CDK14: variants seen among roughly 807,000 people sequenced by gnomAD.
CDK14 encodes cyclin-dependent kinase 14.
A neutral mutation model predicts 60.7 loss-of-function variants in CDK14; 34 were observed. The ratio of observed to expected loss-of-function variants is 0.56; its 90% CI spans 0.43 to 0.75. The LOEUF (loss-of-function observed/expected upper bound fraction) is 0.75, where lower values mean the gene tolerates loss of function less well. Ranked by LOEUF, CDK14 falls within the 30% of genes least tolerant of loss-of-function variation. The pLI, the probability that CDK14 is intolerant of heterozygous loss-of-function variation, is 0.00. For missense variants in CDK14, 482 were observed against 564.1 expected (o/e 0.85, Z 1.47); for synonymous variants, 197 against 203.7 (o/e 0.97, Z 0.28).
chr7:91,098,269 A>G (rs1316327864), intron 12 of CDK14, among the ~76,000 whole-genome samples: 1 of 152,186 alleles, frequency 6.6e-6, no homozygotes, highest in African/African-American at 2.4e-5. Flanking sequence ...ATGACCTCCG[A>G]CCTAACTGAA....
chr7:90,932,652 T>A (rs983492094), intron 8 of CDK14, among the ~76,000 whole-genome samples: 4 of 152,200 alleles, frequency 2.6e-5, no homozygotes, highest in Admixed American at 2.6e-4. Context: ...GTGTAAAAAA[T>A]TACCGCAAAA....
intron 11 of CDK14, among the ~76,000 whole-genome samples, chr7:91,050,557 C>T (rs955498767): frequency 1.3e-5 from 2 of 152,200 alleles, no homozygotes; most frequent in African/African-American, 4.8e-5. Context: ...TTAAGCTCAG[C>T]ATATTCCCAT....
intron 3 of CDK14, among the ~76,000 whole-genome samples, chr7:90,744,659 C>G (rs867487001): frequency 2.2e-3 from 318 of 143,808 alleles, no homozygotes; most frequent in African/African-American, 8.2e-3. Flanking sequence ...CCACCTCCCT[C>G]CCGGACGGGG....
intron 10 of CDK14, among the ~76,000 whole-genome samples, chr7:91,042,696 T>C (rs1797122604): frequency 6.6e-6 from 1 of 152,222 alleles, no homozygotes; most frequent in Admixed American, 6.5e-5. Context: ...TTTACAGAGC[T>C]GGGGACCACA....
intron 7 of CDK14, among the ~76,000 whole-genome samples, chr7:90,910,671 C>T (rs1264552900): frequency 6.6e-6 from 1 of 152,108 alleles, no homozygotes; most frequent in Non-Finnish European, 1.5e-5. Context: ...GATAGCAGCC[C>T]TCTTAATTGT....
At chr7:90,806,977 A>T (rs912052437) in intron 5 of CDK14, among the ~76,000 whole-genome samples, 1 of 152,210 alleles carries the variant, frequency 6.6e-6, no homozygotes, top group African/African-American at 2.4e-5. Flanking sequence ...AGGAAGCTCA[A>T]ACTGGGTGGA....
At chr7:91,056,861 A>G (rs901266906) in intron 11 of CDK14, among the ~76,000 whole-genome samples, 18 of 152,230 alleles carry the variant, frequency 1.2e-4, no homozygotes, top group Admixed American at 2.6e-4. Flanking sequence ...TAGTGCCACA[A>G]TAAACATACG....
At chr7:91,080,821 A>G (rs538975232) in intron 12 of CDK14, among the ~76,000 whole-genome samples, 43 of 152,334 alleles carry the variant, frequency 2.8e-4, no homozygotes, top group African/African-American at 1.0e-3. Flanking sequence ...AAACTATCAT[A>G]CTGTAGCATA....
chr7:91,036,356 G>A (rs1027289853), intron 10 of CDK14, among the ~76,000 whole-genome samples: 21 of 152,200 alleles, frequency 1.4e-4, no homozygotes, highest in South Asian at 6.2e-4. Flanking sequence ...CTCAAAGCCA[G>A]CAAGGGAGCA....
chr7:90,648,393 GT>G (rs1800517034), intron 2 of CDK14, among the ~76,000 whole-genome samples: 1 of 152,136 alleles, frequency 6.6e-6, no homozygotes, highest in African/African-American at 2.4e-5. Flanking sequence ...GCCCTTATGT[GT>G]TTTAAGACCT....
At chr7:90,790,154 T>G (rs1805770860) in intron 4 of CDK14, among the ~76,000 whole-genome samples, 1 of 151,744 alleles carries the variant, frequency 6.6e-6, no homozygotes, top group Non-Finnish European at 1.5e-5. Flanking sequence ...CCTTGGGAAT[T>G]GAATGACCTC....
At chr7:90,738,980 A>G (rs1400931228) in intron 3 of CDK14, among the ~76,000 whole-genome samples, 2 of 151,876 alleles carry the variant, frequency 1.3e-5, no homozygotes, top group Non-Finnish European at 2.9e-5. Context: ...ATTTATGTGT[A>G]CAGTAATTAC....
intron 2 of CDK14, among the ~76,000 whole-genome samples, chr7:90,644,233 G>GT (rs1800411217): frequency 6.6e-6 from 1 of 152,198 alleles, no homozygotes; most frequent in Non-Finnish European, 1.5e-5. Flanking sequence ...AGTTTCGGTT[G>GT]TTTAAGTCAA....
chr7:90,600,632 T>C (rs927322682), intron 1 of CDK14, among the ~76,000 whole-genome samples: 7 of 152,254 alleles, frequency 4.6e-5, no homozygotes, highest in Admixed American at 6.5e-5. Flanking sequence ...AGTTGTCATG[T>C]GACGAATTCA....
intron 4 of CDK14, among the ~76,000 whole-genome samples, chr7:90,774,514 G>A (rs1394171963): frequency 6.6e-6 from 1 of 151,886 alleles, no homozygotes; most frequent in Non-Finnish European, 1.5e-5. Flanking sequence ...AATAATTTTG[G>A]CTTTTCTTGA....
At chr7:90,812,217 C>T (rs1287744281) in intron 5 of CDK14, among the ~76,000 whole-genome samples, 1 of 152,128 alleles carries the variant, frequency 6.6e-6, no homozygotes, top group East Asian at 1.9e-4. Flanking sequence ...GGAACCAACC[C>T]AAATATCCAA....
chr7:90,963,750 C>T (rs542261210), intron 9 of CDK14, among the ~76,000 whole-genome samples: 3 of 121,620 alleles, frequency 2.5e-5, no homozygotes, highest in South Asian at 5.3e-4. Context: ...GAGTCTTACT[C>T]GGTCACCCAG....
chr7:91,037,663 T>G (rs539038213), intron 10 of CDK14, among the ~76,000 whole-genome samples: 1 of 152,286 alleles, frequency 6.6e-6, no homozygotes, highest in South Asian at 2.1e-4. Flanking sequence ...CTGTGCAACC[T>G]TGAACAACCA....
chr7:90,884,370 C>T (rs1004827396), intron 6 of CDK14, among the ~76,000 whole-genome samples: 2 of 152,096 alleles, frequency 1.3e-5, no homozygotes, highest in African/African-American at 4.8e-5. Context: ...AGGAATAGAG[C>T]TAACAAGGGA....
Sources: gnomAD v4.1 joint callset for allele counts (sites outside exome capture counted in the v4.1 genomes callset) on GRCh38, gnomAD v4.1.1 for gene constraint, MANE v1.5 for transcripts, NCBI Gene and HGNC (gene_info 2026-07-23, HGNC 2026-07-21) for gene names.